ARHGEF5: variants seen among roughly 807,000 people sequenced by gnomAD.
ARHGEF5 encodes the protein Rho guanine nucleotide exchange factor 5, also known as Rho guanine nucleotide exchange factor (GEF) 5.
ARHGEF5 carries 11 observed loss-of-function variants against 104.0 expected under a neutral mutation model. The observed-to-expected ratio is 0.11, with a 90% CI of 0.07 to 0.18. ARHGEF5 has a LOEUF of 0.18. Among genes scored for constraint, ARHGEF5 ranks in the 10% least tolerant of loss-of-function variants. The pLI, the probability that ARHGEF5 is intolerant of heterozygous loss-of-function variation, is 1.00. For missense variants in ARHGEF5, 165 were observed against 1,335.4 expected (o/e 0.12, Z 13.66); for synonymous variants, 60 against 512.2 (o/e 0.12, Z 11.92).
chr7:144,375,944 C>G (rs1288305438), intron 12 of ARHGEF5, among the ~76,000 whole-genome samples: 1 of 152,290 alleles, frequency 6.6e-6, no homozygotes, highest in Non-Finnish European at 1.5e-5. Context: ...TGTGTAGTAT[C>G]AGAAAGGAGA....
At position 144,378,800 on chromosome 7, in the gene ARHGEF5, C is replaced by T. The variant is rs749672327; in HGVS notation, c.4570C>T (p.Arg1524Ter). The change falls in exon 14 of 15, where the codon CGA becomes TGA. Residue 1524 changes from arginine to a stop codon, truncating the protein, a stop_gained. Coordinates refer to ENST00000056217, the MANE Select transcript of ARHGEF5 (RefSeq NM_005435.4). LOFTEE classifies it high-confidence loss of function. Reference sequence around the variant, plus strand: ...ACAGTGCCTTCGAGCCTACAAGCCCCGAGAGAATGATGAATTGGCACTGGA... The same window carrying T: ...ACAGTGCCTTCGAGCCTACAAGCCCTGAGAGAATGATGAATTGGCACTGGA... Reference protein sequence around the residue: ...QVQCLRAYKPRENDELALEKA... With the variant: ...QVQCLRAYKP 6 of 1,613,882 alleles carry T rather than the reference C, an allele frequency of 3.7e-6. No homozygotes were observed. Among genetic ancestry groups the T allele is most frequent in the Non-Finnish European group, 5.1e-6 (6 of 1,179,980 alleles).
At chr7:144,379,461 C>T (rs947468336) in intron 14 of ARHGEF5, among the ~76,000 whole-genome samples, 2 of 152,176 alleles carry the variant, frequency 1.3e-5, no homozygotes, top group South Asian at 2.1e-4. Context: ...CCACCCACCT[C>T]GGCCTCCCAA....
chr7:144,358,994 C>T (rs1285392280), intron 1 of ARHGEF5, among the ~76,000 whole-genome samples: 47 of 67,714 alleles, frequency 6.9e-4, no homozygotes, highest in African/African-American at 2.6e-3. Context: ...TTAAGTCAAG[C>T]GACTTTGCTT....
intron 1 of ARHGEF5, among the ~76,000 whole-genome samples, chr7:144,359,345 C>T (rs1429949239): frequency 2.1e-5 from 3 of 139,970 alleles, no homozygotes; most frequent in South Asian, 2.1e-4. Context: ...TGTCTTAAAA[C>T]CAGCAAAGAT....
intron 10 of ARHGEF5, among the ~76,000 whole-genome samples, chr7:144,373,676 T>G (rs1030944495): frequency 9.1e-6 from 1 of 109,704 alleles, no homozygotes; most frequent in African/African-American, 3.5e-5. Context: ...GATGAGCCTT[T>G]ATAAAAGAAT....
chr7:144,370,693 C>G (rs2053716617), intron 5 of ARHGEF5, among the ~76,000 whole-genome samples: 1 of 148,710 alleles, frequency 6.7e-6, no homozygotes, highest in Non-Finnish European at 1.5e-5. Flanking sequence ...CCTGAACTCC[C>G]AGACTCAAGT....
rs373208665 is a variant in ARHGEF5 at position 144,370,671 on chromosome 7, G to A, written c.3532-490G>A. 3.9e-4 allele frequency among the ~76,000 whole-genome samples: 58 copies of A among 148,950 alleles called. No individual in the cohort carries two copies. In the East Asian group the frequency reaches 8.8e-3, roughly 23 times the overall value. On this transcript the variant is annotated intron_variant, in intron 5 of 14. Coordinates refer to ENST00000056217, the MANE Select transcript of ARHGEF5 (RefSeq NM_005435.4). ...TGTAGAGACAGGGTCTCTCTACGTCGCCCAGCCTGGTCCTGAACTCCCAGA... is the reference window on the plus strand; with the variant it reads ...TGTAGAGACAGGGTCTCTCTACGTCACCCAGCCTGGTCCTGAACTCCCAGA...
At chr7:144,379,679 C>T (rs1303017213) in intron 14 of ARHGEF5, among the ~76,000 whole-genome samples, 1 of 152,160 alleles carries the variant, frequency 6.6e-6, no homozygotes, top group Non-Finnish European at 1.5e-5. Context: ...TTAGGAGGGA[C>T]ACGATGCAAC....
intron 10 of ARHGEF5, among the ~76,000 whole-genome samples, chr7:144,374,035 T>A (rs1407812651): frequency 8.8e-6 from 1 of 113,486 alleles, no homozygotes; most frequent in Non-Finnish European, 1.9e-5. Flanking sequence ...AGAGATGGGG[T>A]TTCACCATGT....
Position 144,372,978 on chromosome 7 carries a change from A to AC in ARHGEF5, c.4051-210dup, listed in dbSNP as rs927064408. Among the ~76,000 whole-genome samples, 10 of 130,270 alleles carry AC rather than the reference A, an allele frequency of 7.7e-5. 1 individual carries two copies. Among genetic ancestry groups the AC allele is most frequent in the Non-Finnish European group, 1.3e-4 (8 of 59,604 alleles). 85.5% of individuals were successfully genotyped at this position (130,270 alleles called of 152,430 possible). A position where few individuals can be genotyped will look rare whatever the true frequency, so the allele number is the denominator to read the frequency against. The stretch of plus-strand genomic sequence containing the variant: ...AAGGGACTGTGCCCTCTCCACCATC[A>AC]CCCCCCCATTCAGTCTCACTTTTAC... On this transcript the variant is annotated intron_variant, in intron 9 of 14. Coordinates refer to ENST00000056217, the MANE Select transcript of ARHGEF5 (RefSeq NM_005435.4).
chr7:144,377,579 C>T (rs2053770132), intron 13 of ARHGEF5, among the ~76,000 whole-genome samples: 1 of 152,026 alleles, frequency 6.6e-6, no homozygotes, highest in South Asian at 2.1e-4. Context: ...CTTGACCACA[C>T]CTAAGAGGAT....
intron 12 of ARHGEF5, among the ~76,000 whole-genome samples, chr7:144,375,965 T>C (rs2053760147): frequency 6.6e-6 from 1 of 152,274 alleles, no homozygotes; most frequent in Non-Finnish European, 1.5e-5. Context: ...AGGACTGGTA[T>C]GGAGTGAGCA....
intron 5 of ARHGEF5, among the ~76,000 whole-genome samples, chr7:144,370,572 C>A (rs1427927798): frequency 7.8e-4 from 118 of 150,564 alleles, no homozygotes; most frequent in African/African-American, 2.8e-3. Context: ...CACAAGCAAT[C>A]CTTCCGCCTC....
At chr7:144,377,912 G>T (rs901310320) in intron 13 of ARHGEF5, among the ~76,000 whole-genome samples, 1 of 152,274 alleles carries the variant, frequency 6.6e-6, no homozygotes, top group Admixed American at 6.5e-5. Context: ...GGGTGAGGAG[G>T]GCAGGAGCAT....
At chr7:144,374,235 T>C in intron 10 of ARHGEF5, among the ~76,000 whole-genome samples, 1 of 93,226 alleles carries the variant, frequency 1.1e-5, no homozygotes, top group African/African-American at 4.0e-5. Context: ...TTAACCAAAT[T>C]CCAGCTCCAA....
At chr7:144,379,662 A>G (rs749025650) in intron 14 of ARHGEF5, among the ~76,000 whole-genome samples, 10 of 152,184 alleles carry the variant, frequency 6.6e-5, no homozygotes, top group Non-Finnish European at 7.4e-5. Context: ...GAACATCAAC[A>G]TAAATGTTAG....
chr7:144,361,208 CAGAGCAAGACTCCATCTCAAAAAAAA>C, intron 1 of ARHGEF5, among the ~76,000 whole-genome samples: 1 of 117,718 alleles, frequency 8.5e-6, no homozygotes, highest in African/African-American at 3.1e-5. Context: ...GCCTGGGTGA[CAGAGCAAGACTCCATCTCAAAAAAAA>C]AAAAAAAGAA....
At chr7:144,357,187 C>G (rs2053601790) in intron 1 of ARHGEF5, among the ~76,000 whole-genome samples, 1 of 133,128 alleles carries the variant, frequency 7.5e-6, no homozygotes. Flanking sequence ...TGTGTTAATA[C>G]ACAAACACGT....
chr7:144,360,016 G>T (rs1435382679), intron 1 of ARHGEF5, among the ~76,000 whole-genome samples: 2 of 125,362 alleles, frequency 1.6e-5, no homozygotes, highest in Non-Finnish European at 3.5e-5. Context: ...TTTAGCAGAC[G>T]AGGTCAATAG....
Sources: gnomAD v4.1 joint callset for allele counts (sites outside exome capture counted in the v4.1 genomes callset) on GRCh38, gnomAD v4.1.1 for gene constraint, MANE v1.5 for transcripts, NCBI Gene and HGNC (gene_info 2026-07-23, HGNC 2026-07-21) for gene names.